Variants in TBC1D19 observed in about 807,000 individuals in gnomAD.
TBC1D19 encodes the protein TBC1 domain family member 19.
TBC1D19 carries 60 observed loss-of-function variants against 89.0 expected under a neutral mutation model. The observed-to-expected ratio is 0.67, with a 90% CI of 0.55 to 0.84. The LOEUF (loss-of-function observed/expected upper bound fraction) is 0.84. TBC1D19 is among the 40% of genes least tolerant of loss of function. The probability of loss-of-function intolerance (pLI) is 0.00; values close to 1 mark genes in which losing one functional copy is unlikely to be tolerated. For missense variants in TBC1D19, 500 were observed against 610.8 expected (o/e 0.82, Z 1.91); for synonymous variants, 189 against 199.7 (o/e 0.95, Z 0.45).
chr4:26,709,148 T>A (rs1715970525), intron 13 of TBC1D19, among the ~76,000 whole-genome samples: 1 of 151,260 alleles, frequency 6.6e-6, no homozygotes, highest in South Asian at 2.1e-4. Flanking sequence ...GTTATTGTTT[T>A]AGTTTTAGTT....
chr4:26,763,636 A>G, the TBC1D19 span, among the ~76,000 whole-genome samples: 2 of 152,348 alleles, frequency 1.3e-5, no homozygotes, highest in East Asian at 1.9e-4. Flanking sequence ...CCTTGGGCAC[A>G]TGTCGTCAGG....
At chr4:26,777,970 G>T in the TBC1D19 span, among the ~76,000 whole-genome samples, 3 of 152,052 alleles carry the variant, frequency 2.0e-5, no homozygotes, top group Middle Eastern at 3.2e-3. Context: ...CTACTGAGGA[G>T]GCTGAGGTGG....
At chr4:26,646,055 G>A (rs1323754697) in intron 7 of TBC1D19, among the ~76,000 whole-genome samples, 18 of 150,064 alleles carry the variant, frequency 1.2e-4, no homozygotes, top group Non-Finnish European at 2.1e-4. Flanking sequence ...CCCGGGAGGC[G>A]GAGCTTGCAG....
At chr4:26,703,799 A>C (rs12640932) in intron 13 of TBC1D19, among the ~76,000 whole-genome samples, 67,596 of 148,132 alleles carry the variant, frequency 0.46, 16,786 homozygotes, top group Admixed American at 0.6. Flanking sequence ...TAAAAATACA[A>C]AAAAAAAAAA....
At chr4:26,806,190 C>A in the TBC1D19 span, among the ~76,000 whole-genome samples, 1 of 152,156 alleles carries the variant, frequency 6.6e-6, no homozygotes, top group Non-Finnish European at 1.5e-5. Context: ...CCCATCCGCC[C>A]TCCAGCCTTC....
rs562193109 is a variant in TBC1D19, at chr4:26,681,016, G to T, written c.817-2659G>T. ...AGAAAAATAGGTATATGTTATGAAT[G>T]ACAAATCATTGAAATGGAAATTCAA... is the stretch of plus-strand genomic sequence containing the variant. On this transcript the variant is annotated intron_variant, in intron 11 of 20. Coordinates refer to ENST00000264866, the MANE Select transcript of TBC1D19 (RefSeq NM_018317.4). Among the ~76,000 whole-genome samples the T allele has an allele frequency of 1.1e-4, 16 of 152,254 alleles. No individual in the cohort carries two copies. In the East Asian group the frequency reaches 2.1e-3, roughly 20 times the overall value.
At chr4:26,826,459 G>T in the TBC1D19 span, among the ~76,000 whole-genome samples, 2 of 150,928 alleles carry the variant, frequency 1.3e-5, no homozygotes, top group Admixed American at 6.6e-5. Context: ...ATTTAGAGGG[G>T]GGAAAAATAA....
intron 13 of TBC1D19, among the ~76,000 whole-genome samples, chr4:26,701,427 T>TA (rs1372418249): frequency 6.6e-6 from 1 of 152,218 alleles, no homozygotes; most frequent in African/African-American, 2.4e-5. Flanking sequence ...GATTATTTTA[T>TA]AATTGTCTCT....
At chr4:26,855,429 C>G in the TBC1D19 span, among the ~76,000 whole-genome samples, 1 of 152,268 alleles carries the variant, frequency 6.6e-6, no homozygotes, top group East Asian at 1.9e-4. Flanking sequence ...GGCAGCTTTA[C>G]AATCATTTTT....
At chr4:26,858,900 A>G in the TBC1D19 span, 1 of 152,128 alleles carries the variant, frequency 6.6e-6, no homozygotes, top group Non-Finnish European at 1.5e-5. Context: ...AAAAATACTA[A>G]ATCATCTTTG....
chr4:26,718,374 G>A (rs1225987800), intron 14 of TBC1D19, among the ~76,000 whole-genome samples: 2 of 151,522 alleles, frequency 1.3e-5, no homozygotes, highest in Non-Finnish European at 2.9e-5. Flanking sequence ...CTCTCAAAAC[G>A]CTCCACCACA....
At chr4:26,595,884 G>A (rs1560404585) in intron 1 of TBC1D19, among the ~76,000 whole-genome samples, 1 of 152,238 alleles carries the variant, frequency 6.6e-6, no homozygotes, top group East Asian at 1.9e-4. Context: ...AGTTGGTGGT[G>A]TGAATTCTCC....
intron 15 of TBC1D19, among the ~76,000 whole-genome samples, chr4:26,726,908 ATTTAT>A (rs750904462): frequency 6.6e-6 from 1 of 152,300 alleles, no homozygotes; most frequent in Non-Finnish European, 1.5e-5. Context: ...CTAGTTCAAG[ATTTAT>A]TTTAGTTAAC....
intron 13 of TBC1D19, among the ~76,000 whole-genome samples, chr4:26,695,232 C>A (rs1464047394): frequency 6.6e-6 from 1 of 151,910 alleles, no homozygotes; most frequent in South Asian, 2.1e-4. Context: ...GTAGCCAATT[C>A]GATCAACTGG....
the TBC1D19 span, among the ~76,000 whole-genome samples, chr4:26,778,884 G>A: frequency 6.6e-6 from 1 of 151,990 alleles, no homozygotes; most frequent in Non-Finnish European, 1.5e-5. Context: ...CAAATTTTAT[G>A]GCATACTGAT....
chr4:26,640,857 G>A (rs906027681), intron 7 of TBC1D19, among the ~76,000 whole-genome samples: 6 of 152,202 alleles, frequency 3.9e-5, no homozygotes, highest in African/African-American at 9.7e-5. Flanking sequence ...AGGGGCATCC[G>A]CCATAGTTGA....
the TBC1D19 span, among the ~76,000 whole-genome samples, chr4:26,819,554 A>G: frequency 5.9e-5 from 9 of 152,230 alleles, no homozygotes; most frequent in African/African-American, 2.2e-4. Flanking sequence ...TGATGGCAAC[A>G]GCCACAGTCA....
At chr4:26,681,548 C>G (rs1252319585) in intron 11 of TBC1D19, among the ~76,000 whole-genome samples, 1 of 151,692 alleles carries the variant, frequency 6.6e-6, no homozygotes, top group Non-Finnish European at 1.5e-5. Flanking sequence ...GAGACGCCGT[C>G]TCAAAAAAAA....
downstream of TBC1D19, among the ~76,000 whole-genome samples, chr4:26,758,011 T>C (rs545689670): frequency 6.6e-6 from 1 of 152,332 alleles, no homozygotes; most frequent in Admixed American, 6.5e-5. Flanking sequence ...GATTCCATGC[T>C]GATTCTCAAC....
Sources: allele counts gnomAD v4.1 joint callset (sites outside exome capture counted in the v4.1 genomes callset), GRCh38; gene constraint gnomAD v4.1.1; transcripts MANE v1.5; gene names NCBI Gene and HGNC (gene_info 2026-07-23, HGNC 2026-07-21).